Variants in PCDHGA1 observed in about 807,000 individuals in gnomAD.
The protein encoded by PCDHGA1 is protocadherin gamma subfamily A, 1, also known as protocadherin gamma-A1.
Under a neutral mutation model 58.0 loss-of-function variants are expected in PCDHGA1, and 32 were observed. That is an observed-to-expected ratio of 0.55 (90% CI 0.42 to 0.74). The LOEUF is 0.74. Ranked by LOEUF, PCDHGA1 falls within the 30% of genes least tolerant of loss-of-function variation. The probability of loss-of-function intolerance (pLI) is 0.00; values close to 1 mark genes in which losing one functional copy is unlikely to be tolerated. For synonymous variants in PCDHGA1, 498 were observed against 501.1 expected (o/e 0.99, Z 0.08); for missense variants, 1,205 against 1,182.3 (o/e 1.02, Z -0.28).
intron 1 of PCDHGA1, chr5:141,416,744 A>G (rs1480936949): frequency 2.0e-5 from 3 of 152,210 alleles, no homozygotes; most frequent in Non-Finnish European, 4.4e-5. Context: ...GAAAATAGTG[A>G]CGTATTAGGT....
At chr5:141,345,013 T>C (rs1757505366) in intron 1 of PCDHGA1, 1 of 1,614,000 alleles carries the variant, frequency 6.2e-7, no homozygotes, top group Non-Finnish European at 8.5e-7. Flanking sequence ...GGACCAGGTC[T>C]TCTTTCAAGA....
intron 1 of PCDHGA1, chr5:141,370,885 T>C: frequency 9.9e-6 from 16 of 1,613,994 alleles, no homozygotes; most frequent in Non-Finnish European, 1.4e-5. Context: ...GATGTAGGTG[T>C]CAATTCGCTG....
At chr5:141,364,722 C>T in intron 1 of PCDHGA1, 1 of 1,613,884 alleles carries the variant, frequency 6.2e-7, no homozygotes, top group Non-Finnish European at 8.5e-7. Context: ...GATAACTTCC[C>T]GCGTTTCCGG....
At chr5:141,382,378 C>A (rs1160680038) in intron 1 of PCDHGA1, among the ~76,000 whole-genome samples, 1 of 152,098 alleles carries the variant, frequency 6.6e-6, no homozygotes, top group Non-Finnish European at 1.5e-5. Context: ...TTTTTGCCTT[C>A]AATAACTGAT....
At chr5:141,345,679 A>C in intron 1 of PCDHGA1, 1 of 1,614,070 alleles carries the variant, frequency 6.2e-7, no homozygotes, top group South Asian at 1.1e-5. Flanking sequence ...GTGTCGCTGA[A>C]CCTGTTCGTG....
At position 141,486,092 on chromosome 5, in the gene PCDHGA1, C is replaced by T. The variant is rs2099624294; in HGVS notation, c.2422-8715C>T. The T allele has an allele frequency of 3.7e-6, 6 of 1,614,148 alleles. No homozygotes were observed. In the East Asian group the frequency reaches 1.3e-4, roughly 36 times the overall value. On this transcript the variant is annotated intron_variant, in intron 1 of 3. Coordinates refer to ENST00000517417, the MANE Select transcript of PCDHGA1 (RefSeq NM_018912.3). This position sits in a 1 kb window ranked among gnomAD's most constrained non-coding sequence, Gnocchi z 5.0. Reference sequence around the variant, plus strand: ...TACTGGAAAGCTTACTCTTTTGGGGCCCCTAGACTTTGAGAGTGAGAATTA... The same window carrying T: ...TACTGGAAAGCTTACTCTTTTGGGGTCCCTAGACTTTGAGAGTGAGAATTA...
chr5:141,365,027 C>G, intron 1 of PCDHGA1: 1 of 1,613,896 alleles, frequency 6.2e-7, no homozygotes, highest in Non-Finnish European at 8.5e-7. Flanking sequence ...TGTTACGGTC[C>G]TCGACGCAAA....
chr5:141,351,920 A>T, intron 1 of PCDHGA1: 1 of 1,613,316 alleles, frequency 6.2e-7, no homozygotes, highest in Non-Finnish European at 8.5e-7. Flanking sequence ...CCTCAATGAC[A>T]ATGCGCCACG....
chr5:141,360,633 A>G, intron 1 of PCDHGA1: 2 of 1,614,028 alleles, frequency 1.2e-6, no homozygotes, highest in Non-Finnish European at 1.7e-6. Flanking sequence ...GTCCTAACTC[A>G]CTACAAAGAT....
At chr5:141,388,619 C>T (rs369637121) in intron 1 of PCDHGA1, 3 of 1,613,852 alleles carry the variant, frequency 1.9e-6, no homozygotes, top group Non-Finnish European at 2.5e-6. Context: ...TCAGTCAAGA[C>T]GTATACAGGG....
intron 1 of PCDHGA1, chr5:141,400,651 C>G (rs2094056317): frequency 8.6e-7 from 1 of 1,166,874 alleles, no homozygotes; most frequent in African/African-American, 1.5e-5. Flanking sequence ...GAAAGCTGTC[C>G]TACCATTCTT....
At chr5:141,371,025 G>A (rs752262300) in intron 1 of PCDHGA1, 1 of 1,613,988 alleles carries the variant, frequency 6.2e-7, no homozygotes, top group Non-Finnish European at 8.5e-7. Flanking sequence ...TCACCACCTG[G>A]TCCTCACAGC....
chr5:141,459,444 T>C (rs1485634547), intron 1 of PCDHGA1, among the ~76,000 whole-genome samples: 1 of 152,244 alleles, frequency 6.6e-6, no homozygotes, highest in Non-Finnish European at 1.5e-5. Context: ...TTCATTCAAC[T>C]GTTGGTGGAC....
chr5:141,360,353 A>G, intron 1 of PCDHGA1: 1 of 1,613,928 alleles, frequency 6.2e-7, no homozygotes, highest in Non-Finnish European at 8.5e-7. Context: ...GCGGAGAAGG[A>G]ATATTTCACA....
At chr5:141,448,984 A>C (rs2098621334) in intron 1 of PCDHGA1, among the ~76,000 whole-genome samples, 1 of 152,086 alleles carries the variant, frequency 6.6e-6, no homozygotes, top group Non-Finnish European at 1.5e-5. Context: ...CTTCCATATT[A>C]ATATATAGAA....
intron 1 of PCDHGA1, chr5:141,364,487 G>T: frequency 6.2e-7 from 1 of 1,614,032 alleles, no homozygotes; most frequent in Non-Finnish European, 8.5e-7. Flanking sequence ...CAAGGACCTT[G>T]GGCTGGAGCC....
At chr5:141,479,090 T>G (rs1424205731) in intron 1 of PCDHGA1, among the ~76,000 whole-genome samples, 2 of 152,244 alleles carry the variant, frequency 1.3e-5, no homozygotes, top group Non-Finnish European at 2.9e-5. Flanking sequence ...CCAGGCATCC[T>G]TTAAATTTTA....
intron 1 of PCDHGA1, chr5:141,415,732 T>G (rs1159160519): frequency 5.0e-6 from 7 of 1,411,138 alleles, no homozygotes; most frequent in Non-Finnish European, 6.5e-6. Context: ...AATTTGATGT[T>G]TATTAAGGTT....
intron 1 of PCDHGA1, chr5:141,365,681 A>T: frequency 6.2e-7 from 1 of 1,613,224 alleles, no homozygotes. Flanking sequence ...CAACCCACCC[A>T]ATTTCCCTCA....
Sources: allele counts gnomAD v4.1 joint callset (sites outside exome capture counted in the v4.1 genomes callset), GRCh38; gene constraint gnomAD v4.1.1; non-coding constraint Gnocchi (gnomAD v3.1); transcripts MANE v1.5; gene names NCBI Gene and HGNC (gene_info 2026-07-23, HGNC 2026-07-21).